The following ZNF827 variants were observed in gnomAD, a reference collection of about 807,000 sequenced individuals.
The protein encoded by ZNF827 is zinc finger protein 827.
In ZNF827, 13 loss-of-function variants were observed where a neutral mutation model predicts 102.4. That is an observed-to-expected ratio of 0.13 (90% CI 0.08 to 0.20). ZNF827 has a LOEUF of 0.20. ZNF827 is among the 10% of genes least tolerant of loss of function. ZNF827 has a pLI of 1.00. For synonymous variants in ZNF827, 523 were observed against 536.2 expected, an observed-to-expected ratio of 0.98 and a Z score of 0.34; for missense variants, 1,103 against 1,344.4, an observed-to-expected ratio of 0.82 and a Z score of 2.81.
chr4:145,933,498 C>G (rs1388332663), intron 1 of ZNF827, among the ~76,000 whole-genome samples: 3 of 151,986 alleles, frequency 2.0e-5, no homozygotes, highest in Non-Finnish European at 4.4e-5. Context: ...ATAAGAAATC[C>G]CGTTGCTTTT....
chr4:145,814,759 A>C (rs538120362), intron 8 of ZNF827, among the ~76,000 whole-genome samples: 1 of 142,446 alleles, frequency 7.0e-6, no homozygotes, highest in Non-Finnish European at 1.5e-5. Flanking sequence ...CCCTGTCTCT[A>C]CTAAAAATAC....
At chr4:145,867,758 A>G (rs1748332251) in intron 5 of ZNF827, among the ~76,000 whole-genome samples, 2 of 152,214 alleles carry the variant, frequency 1.3e-5, no homozygotes, top group Admixed American at 1.3e-4. Flanking sequence ...GGCAGGAAGC[A>G]ATAGGAACTC....
intron 1 of ZNF827, among the ~76,000 whole-genome samples, chr4:145,904,247 C>T (rs1292537453): frequency 6.6e-6 from 1 of 152,222 alleles, no homozygotes; most frequent in Non-Finnish European, 1.5e-5. Context: ...AGGTTTCTTC[C>T]TTACAATTCT....
intron 5 of ZNF827, among the ~76,000 whole-genome samples, chr4:145,861,468 G>C (rs921109474): frequency 1.2e-4 from 18 of 152,080 alleles, no homozygotes; most frequent in Admixed American, 1.3e-4. Context: ...TGGATCCCTC[G>C]GAAAATAAAG....
chr4:145,881,494 G>A (rs1367648683), intron 4 of ZNF827, among the ~76,000 whole-genome samples: 1 of 152,174 alleles, frequency 6.6e-6, no homozygotes, highest in African/African-American at 2.4e-5. Context: ...TCTGTCAACT[G>A]CTTGGTTATA....
chr4:145,778,139 T>C (rs925600150), intron 9 of ZNF827, among the ~76,000 whole-genome samples: 3 of 152,154 alleles, frequency 2.0e-5, no homozygotes, highest in Admixed American at 6.5e-5. Flanking sequence ...AAAAAACTTT[T>C]TGTTTTTTTT....
At chr4:145,890,725 A>G (rs990628398) in intron 3 of ZNF827, among the ~76,000 whole-genome samples, 2 of 152,208 alleles carry the variant, frequency 1.3e-5, no homozygotes, top group Non-Finnish European at 2.9e-5. Flanking sequence ...TTGCAGGTTT[A>G]AAATACAAGT....
chr4:145,871,787 C>T (rs542558979), intron 4 of ZNF827, among the ~76,000 whole-genome samples: 2 of 152,174 alleles, frequency 1.3e-5, no homozygotes, highest in Non-Finnish European at 2.9e-5. Context: ...TAAGAATATG[C>T]ATTCTGGAAT....
At chr4:145,781,014 G>A (rs1737901815) in intron 8 of ZNF827, among the ~76,000 whole-genome samples, 2 of 152,064 alleles carry the variant, frequency 1.3e-5, no homozygotes, top group African/African-American at 4.8e-5. Flanking sequence ...GGCTAACACG[G>A]TGAAACACTG....
intron 1 of ZNF827, among the ~76,000 whole-genome samples, chr4:145,918,408 TTA>T (rs1246276269): frequency 6.7e-6 from 1 of 148,268 alleles, no homozygotes; most frequent in Non-Finnish European, 1.5e-5. Context: ...TACTTTTTCT[TTA>T]TATATAAAAA....
rs769884942 is a variant in ZNF827, at chr4:145,856,932, G to C, written c.1982-7371C>G. 4.8e-5 allele frequency among the ~76,000 whole-genome samples: 7 copies of C among 145,074 alleles called. 1 individual carries two copies. Among genetic ancestry groups the C allele is most frequent in the Admixed American group, 3.5e-4 (5 of 14,224 alleles). ...AATTTTGTTTAAAATGATAGAACTA[G>C]GATTTTCTGTATGCCTCCTCCTTCT... On this transcript the variant is annotated intron_variant, in intron 5 of 14. Coordinates refer to ENST00000508784, the MANE Select transcript of ZNF827 (RefSeq NM_001306215.2).
In ZNF827 at chr4:145,774,530, T is replaced by C; in HGVS notation, c.2836A>G (p.Thr946Ala). 1 of 1,611,630 alleles carries C rather than the reference T, an allele frequency of 6.2e-7. No individual in the cohort carries two copies. The highest frequency in any genetic ancestry group is 1.7e-5 in the Admixed American group (1 of 59,702). ...CCTGTGTGCTTGGTGCCAATGTGAG[T>C]CTTTATCTCTGCTTCCTCCATGGTG... is the stretch of plus-strand genomic sequence containing the variant. Reference protein sequence around the residue: ...FVTMEEAEIKTHIGTKHTGED... With the variant: ...FVTMEEAEIKAHIGTKHTGED... Residue 946 changes from threonine (T) to alanine (A), a missense_variant, in exon 11 of 15, where the codon ACT (threonine) becomes GCT (alanine). Thr to Ala is a moderately conservative substitution (Grantham distance 58). Around this residue, in one of 5 missense-constraint regions of ZNF827, gnomAD observed 242 missense variants for 361.9 expected, o/e 0.67. Coordinates refer to ENST00000508784, the MANE Select transcript of ZNF827 (RefSeq NM_001306215.2).
chr4:145,845,865 A>G (rs1480493543), intron 7 of ZNF827, 91 bp downstream of exon 7: 8 of 1,322,848 alleles, frequency 6.0e-6, no homozygotes, highest in Non-Finnish European at 8.7e-6. Context: ...ACCCAGTGGG[A>G]GAAAGAGGTT....
intron 11 of ZNF827, among the ~76,000 whole-genome samples, chr4:145,768,676 T>C (rs1366178868): frequency 6.7e-6 from 1 of 149,940 alleles, no homozygotes; most frequent in African/African-American, 2.5e-5. Flanking sequence ...ACTGTAAATG[T>C]TAGAACCTAA....
chr4:145,863,376 A>C (rs1747901701), intron 5 of ZNF827, among the ~76,000 whole-genome samples: 2 of 152,240 alleles, frequency 1.3e-5, no homozygotes, highest in Admixed American at 1.3e-4. Context: ...TTAGCATTTG[A>C]CTCAGCAATT....
chr4:145,884,753 A>C (rs1749963177), intron 4 of ZNF827, among the ~76,000 whole-genome samples: 2 of 152,226 alleles, frequency 1.3e-5, no homozygotes, highest in Non-Finnish European at 2.9e-5. Context: ...ATCATGTACA[A>C]TTTGATGGTG....
At chr4:145,846,344 G>C (rs1343289549) in intron 6 of ZNF827, among the ~76,000 whole-genome samples, 8 of 152,308 alleles carry the variant, frequency 5.3e-5, no homozygotes, top group African/African-American at 1.9e-4. Flanking sequence ...CAGGGATGGT[G>C]GTGGGCATCT....
chr4:145,913,428 A>AC (rs1467644157), intron 1 of ZNF827, among the ~76,000 whole-genome samples: 1,758 of 149,406 alleles, frequency 0.012, 15 homozygotes, highest in African/African-American at 0.038. Context: ...CCTGTCTCAA[A>AC]AAAAAAAAAA....
At chr4:145,838,840 A>T (rs1745138446) in intron 7 of ZNF827, among the ~76,000 whole-genome samples, 1 of 152,232 alleles carries the variant, frequency 6.6e-6, no homozygotes. Context: ...ATTATCTGGA[A>T]ATAAGTTACT....
Sources: gnomAD v4.1 joint callset for allele counts (sites outside exome capture counted in the v4.1 genomes callset) on GRCh38, gnomAD v4.1.1 for gene constraint, gnomAD v4.1.1 regional missense constraint, MANE v1.5 for transcripts, NCBI Gene and HGNC (gene_info 2026-07-23, HGNC 2026-07-21) for gene names.